The following LRMDA variants were observed in gnomAD, a reference collection of about 807,000 sequenced individuals.
The protein encoded by LRMDA is leucine rich melanocyte differentiation associated, also known as leucine-rich melanocyte differentiation-associated protein.
A neutral mutation model predicts 29.8 loss-of-function variants in LRMDA; 18 were observed. The ratio of observed to expected loss-of-function variants is 0.60; its 90% CI spans 0.42 to 0.90. The LOEUF (loss-of-function observed/expected upper bound fraction) is 0.90. Ranked by LOEUF, LRMDA falls within the 40% of genes least tolerant of loss-of-function variation. The pLI is 0.00. For synonymous variants in LRMDA, 125 were observed against 109.4 expected (o/e 1.14, Z -0.89); for missense variants, 273 against 273.9 (o/e 1.00, Z 0.02).
intron 5 of LRMDA, among the ~76,000 whole-genome samples, chr10:76,309,148 G>A (rs958481456): frequency 1.3e-5 from 2 of 152,198 alleles, no homozygotes; most frequent in South Asian, 4.1e-4. Context: ...AACCAAAAAG[G>A]GAAAGAGGAT....
chr10:75,801,389 C>T (rs1279487858), intron 2 of LRMDA, among the ~76,000 whole-genome samples: 2 of 152,238 alleles, frequency 1.3e-5, no homozygotes. Context: ...CCAGTGCAGA[C>T]TCTGGAGTGG....
chr10:76,184,277 C>G (rs910102148), intron 5 of LRMDA, among the ~76,000 whole-genome samples: 1 of 152,028 alleles, frequency 6.6e-6, no homozygotes, highest in Non-Finnish European at 1.5e-5. Flanking sequence ...GTGAGATGCC[C>G]TCCTCAGCCT....
chr10:76,209,494 G>A (rs1306377972), intron 5 of LRMDA, among the ~76,000 whole-genome samples: 2 of 152,146 alleles, frequency 1.3e-5, no homozygotes, highest in East Asian at 1.9e-4. Flanking sequence ...TATATTGTAC[G>A]TGATCCATGG....
chr10:75,457,015 C>T (rs1423326956), intron 2 of LRMDA, among the ~76,000 whole-genome samples: 1 of 152,200 alleles, frequency 6.6e-6, no homozygotes, highest in Non-Finnish European at 1.5e-5. Context: ...ATTGCTTATT[C>T]TAGAAGAGGT....
intron 2 of LRMDA, among the ~76,000 whole-genome samples, chr10:75,564,313 C>G (rs188313251): frequency 6.6e-6 from 1 of 152,334 alleles, no homozygotes; most frequent in Non-Finnish European, 1.5e-5. Flanking sequence ...CATCGAGACT[C>G]TGTGGGCATA....
chr10:76,254,344 C>CCA (rs1852546230), intron 5 of LRMDA, among the ~76,000 whole-genome samples: 1 of 141,172 alleles, frequency 7.1e-6, no homozygotes, highest in South Asian at 2.4e-4. Context: ...CCATACCATC[C>CCA]TATCCTATCC....
At chr10:76,194,243 A>G (rs1851295609) in intron 5 of LRMDA, among the ~76,000 whole-genome samples, 1 of 152,158 alleles carries the variant, frequency 6.6e-6, no homozygotes. Context: ...ACAGGATAAG[A>G]TTTGTGTTTT....
At chr10:75,749,857 T>A (rs1351287838) in intron 2 of LRMDA, among the ~76,000 whole-genome samples, 1 of 152,206 alleles carries the variant, frequency 6.6e-6, no homozygotes, top group Admixed American at 6.5e-5. Flanking sequence ...TCTTCAAGCA[T>A]CTGTTTAACA....
rs186175683 is a variant in LRMDA at position 76,445,492 on chromosome 10, A to G, written c.602-111717A>G. 2.6e-5 allele frequency among the ~76,000 whole-genome samples: 4 copies of G among 152,256 alleles called. No individual in the cohort carries two copies. The East Asian group carries it at 7.7e-4, about 29-fold the overall frequency. ...GGATGTTTATTTGTCTGTTACCTAA[A>G]CTCAGGACACATGCACAGCAGTAAA... is the stretch of plus-strand genomic sequence containing the variant. On this transcript the variant is annotated intron_variant, in intron 6 of 6. Transcript: ENST00000611255.
intron 2 of LRMDA, among the ~76,000 whole-genome samples, chr10:75,595,800 A>G (rs934542429): frequency 2.0e-5 from 3 of 152,136 alleles, no homozygotes; most frequent in African/African-American, 7.2e-5. Flanking sequence ...CATAAAAGAT[A>G]GCATAGGAAA....
rs540285720 is a variant in LRMDA at position 76,326,657 on chromosome 10, G to A, written c.601+2172G>A. Among the ~76,000 whole-genome samples the A allele has an allele frequency of 7.9e-5, 12 of 152,238 alleles. No individual in the cohort carries two copies. The East Asian group carries it at 1.5e-3, about 20-fold the overall frequency. Reference sequence around the variant, plus strand: ...CACACCAACAACTACAAAAACTGGCGGGCAGTAGTTCATGTGCAAATTGCT... The same window carrying A: ...CACACCAACAACTACAAAAACTGGCAGGCAGTAGTTCATGTGCAAATTGCT... On this transcript the variant is annotated intron_variant, in intron 6 of 6. Coordinates refer to ENST00000611255, the MANE Select transcript of LRMDA (RefSeq NM_001305581.2).
chr10:76,419,778 A>G (rs1842054536), intron 6 of LRMDA, among the ~76,000 whole-genome samples: 1 of 151,920 alleles, frequency 6.6e-6, no homozygotes, highest in African/African-American at 2.4e-5. Flanking sequence ...TGGGTTGTTC[A>G]TTTGGTTATT....
chr10:76,349,633 T>C (rs1031079979), intron 6 of LRMDA, among the ~76,000 whole-genome samples: 1 of 152,108 alleles, frequency 6.6e-6, no homozygotes, highest in Non-Finnish European at 1.5e-5. Flanking sequence ...TATGAAAATA[T>C]AAATTAAAAC....
chr10:75,884,177 G>C (rs1845340593), intron 2 of LRMDA, among the ~76,000 whole-genome samples: 1 of 150,794 alleles, frequency 6.6e-6, no homozygotes, highest in South Asian at 2.1e-4. Context: ...TTAATGGAAT[G>C]TTTCACAATA....
chr10:76,255,601 A>G (rs1004144063), intron 5 of LRMDA, among the ~76,000 whole-genome samples: 2 of 152,224 alleles, frequency 1.3e-5, no homozygotes, highest in Non-Finnish European at 2.9e-5. Context: ...AGGAAAGTAT[A>G]TCTTTCCTCA....
chr10:75,658,887 G>T (rs1841712905), intron 2 of LRMDA, among the ~76,000 whole-genome samples: 1 of 152,190 alleles, frequency 6.6e-6, no homozygotes, highest in African/African-American at 2.4e-5. Flanking sequence ...CTACCTAAGT[G>T]CAGGGGCCAC....
chr10:76,103,631 C>G (rs1238288985), intron 5 of LRMDA, among the ~76,000 whole-genome samples: 1 of 152,200 alleles, frequency 6.6e-6, no homozygotes, highest in Non-Finnish European at 1.5e-5. Flanking sequence ...AAGCCTTTTT[C>G]CCAGATTGTA....
At chr10:76,502,397 A>C (rs1164375874) in intron 6 of LRMDA, among the ~76,000 whole-genome samples, 2 of 152,060 alleles carry the variant, frequency 1.3e-5, no homozygotes, top group Non-Finnish European at 2.9e-5. Context: ...TTCTGTGAAG[A>C]ATGACATTGG....
intron 6 of LRMDA, among the ~76,000 whole-genome samples, chr10:76,553,249 A>C (rs939869227): frequency 5.3e-5 from 8 of 152,240 alleles, no homozygotes; most frequent in Admixed American, 3.9e-4. Flanking sequence ...ACTATGGCCA[A>C]AGCCAGATCT....
Sources: gnomAD v4.1 joint callset for allele counts (sites outside exome capture counted in the v4.1 genomes callset) on GRCh38, gnomAD v4.1.1 for gene constraint, MANE v1.5 for transcripts, NCBI Gene and HGNC (gene_info 2026-07-23, HGNC 2026-07-21) for gene names.